The following PLIN2 variants were observed in gnomAD, a reference collection of about 807,000 sequenced individuals.
PLIN2 encodes perilipin-2.
PLIN2 carries 33 observed loss-of-function variants against 30.6 expected under a neutral mutation model. The ratio of observed to expected loss-of-function variants is 1.08; its 90% CI spans 0.82 to 1.44. The LOEUF is 1.44. Ranked by LOEUF, PLIN2 falls within the 40% of genes most tolerant of loss-of-function variation. PLIN2 has a pLI of 0.00. For synonymous variants in PLIN2, 205 were observed against 201.1 expected (o/e 1.02, Z -0.16); for missense variants, 610 against 531.8 (o/e 1.15, Z -1.45).
chr9:19,113,716 G>C (rs1166064122), downstream of PLIN2, among the ~76,000 whole-genome samples: 1 of 151,370 alleles, frequency 6.6e-6, no homozygotes, highest in Non-Finnish European at 1.5e-5. Flanking sequence ...TGGGGTTACA[G>C]GTGCATACAG....
chr9:19,117,852 C>T (rs376156161), intron 7 of PLIN2, among the ~76,000 whole-genome samples: 2 of 151,900 alleles, frequency 1.3e-5, no homozygotes, highest in African/African-American at 2.4e-5. Context: ...CTCCTGACCT[C>T]GTGATCTACC....
rs1306434400 is a variant in PLIN2 at position 19,118,417 on chromosome 9, C to G, written c.816G>C (p.Gln272His). 4 of 1,613,686 alleles carry G rather than the reference C, an allele frequency of 2.5e-6. No individual in the cohort carries two copies. The highest frequency in any genetic ancestry group is 2.7e-5 in the African/African-American group (2 of 74,900). ...FARKNVYSAN[Q>H]KIQDAQDKLY... ...GCTTATCCTGAGCATCCTGAATTTT[C>G]TGATTGGCACTATACACATTCTTCC... The change falls in exon 7 of 8, where the codon CAG becomes CAC. Residue 272 changes from glutamine to histidine, a missense_variant. Transcript: ENST00000276914.
intron 3 of PLIN2, 117 bp from the exon 4 acceptor site, chr9:19,123,764 T>C: frequency 1.3e-6 from 1 of 782,072 alleles, no homozygotes; most frequent in Non-Finnish European, 2.0e-6. Context: ...CTCACGCCTG[T>C]AATCCCAGCA....
Position 19,126,379 on chromosome 9 carries a change from G to T in PLIN2, c.30+18C>A. 6.2e-7 allele frequency: 1 copy of T among 1,613,614 alleles called. No individual in the cohort carries two copies. Among genetic ancestry groups the T allele is most frequent in the South Asian group, 1.1e-5 (1 of 91,062 alleles). ...ACAAAAGGAGAGAAAGTAGACAAAG[G>T]CTACTCAAAATTCATACCGGTTGTG... On this transcript the variant is annotated intron_variant, in intron 2 of 7. Transcript: ENST00000276914.
At chr9:19,112,156 T>A (rs1554692681), downstream of PLIN2, among the ~76,000 whole-genome samples, 1 of 152,158 alleles carries the variant, frequency 6.6e-6, no homozygotes, top group Non-Finnish European at 1.5e-5. Context: ...GGCCAATGCA[T>A]CATATTCCTT....
intron 3 of PLIN2, 156 bp downstream of exon 3, chr9:19,125,958 A>G: frequency 1.7e-6 from 1 of 571,730 alleles, no homozygotes; most frequent in Non-Finnish European, 3.1e-6. Flanking sequence ...GAAAAGAAAC[A>G]GTCCTCTTAC....
Position 19,116,240 on chromosome 9 carries a change from G to C in PLIN2, c.*8C>G. 6.4e-7 allele frequency: 1 copy of C among 1,565,718 alleles called. No individual in the cohort carries two copies. Among genetic ancestry groups the C allele is most frequent in the African/African-American group, 1.4e-5 (1 of 73,642 alleles). On this transcript the variant is annotated 3_prime_UTR_variant, in exon 8 of 8. Coordinates refer to ENST00000276914, the MANE Select transcript of PLIN2 (RefSeq NM_001122.4). ...TGGCCACAGCATGCACTAGTGATAG[G>C]GGCAGGTTTAATGAGTTTTATGCTC... is the stretch of plus-strand genomic sequence containing the variant.
chr9:19,118,017 C>A (rs1818257230), intron 7 of PLIN2, among the ~76,000 whole-genome samples: 1 of 152,176 alleles, frequency 6.6e-6, no homozygotes. Context: ...ATTAAAAAGG[C>A]ACAAAATAGG....
At chr9:19,115,597 G>A (rs1818209180), downstream of PLIN2, among the ~76,000 whole-genome samples, 1 of 152,120 alleles carries the variant, frequency 6.6e-6, no homozygotes, top group African/African-American at 2.4e-5. Flanking sequence ...ATGAGCCACA[G>A]CACCCGGCCA....
chr9:19,114,454 G>A (rs1177495608), downstream of PLIN2, among the ~76,000 whole-genome samples: 2 of 151,776 alleles, frequency 1.3e-5, no homozygotes, highest in Non-Finnish European at 1.5e-5. Flanking sequence ...GCTCAGGTTG[G>A]AGTGCAGTGG....
rs1564032496 is a variant in PLIN2, at chr9:19,126,163, G to C, written c.177C>G (p.Ser59=). ...MAENGVKTIT[S]VAMTSALPII... ...TGGGCAGAGCACTGGTCATGGCCAC[G>C]GAGGTGATGGTCTTCACACCGTTCT... is the stretch of plus-strand genomic sequence containing the variant. Residue 59 remains serine (S), a synonymous_variant, in exon 3 of 8, where the codon TCC becomes TCG. Transcript: ENST00000276914. The C allele has an allele frequency of 6.2e-7, 1 of 1,614,088 alleles. No individual in the cohort carries two copies. The highest frequency in any genetic ancestry group is 1.6e-4 in the Middle Eastern group (1 of 6,062).
chr9:19,120,287 G>GCGATCTGC (rs1818294545), intron 5 of PLIN2, among the ~76,000 whole-genome samples: 1 of 151,994 alleles, frequency 6.6e-6, no homozygotes, highest in African/African-American at 2.4e-5. Context: ...CTGAACTCAA[G>GCGATCTGC]CGATCTGCCT....
downstream of PLIN2, among the ~76,000 whole-genome samples, chr9:19,114,238 C>T (rs1818192204): frequency 6.6e-6 from 1 of 152,006 alleles, no homozygotes; most frequent in African/African-American, 2.4e-5. Flanking sequence ...AATAAACTCA[C>T]TCACACCAAA....
At chr9:19,121,813 C>G (rs916417518) in intron 4 of PLIN2, among the ~76,000 whole-genome samples, 1 of 152,118 alleles carries the variant, frequency 6.6e-6, no homozygotes, top group African/African-American at 2.4e-5. Flanking sequence ...TGCCTGTAAC[C>G]CCAGCTACTT....
At chr9:19,111,882 A>C (rs997187678), downstream of PLIN2, among the ~76,000 whole-genome samples, 2 of 152,114 alleles carry the variant, frequency 1.3e-5, no homozygotes, top group South Asian at 4.1e-4. Flanking sequence ...CTATAGGTGC[A>C]TACCACTAGG....
intron 1 of PLIN2, 32 bp from the exon 2 acceptor site, chr9:19,126,480 G>T: frequency 7.5e-7 from 1 of 1,337,230 alleles, no homozygotes; most frequent in Non-Finnish European, 1.1e-6. Flanking sequence ...CAGAACACCG[G>T]GATAAGACTC....
downstream of PLIN2, among the ~76,000 whole-genome samples, chr9:19,114,865 T>G (rs1465780051): frequency 6.6e-6 from 1 of 152,196 alleles, no homozygotes; most frequent in Non-Finnish European, 1.5e-5. Flanking sequence ...ACAGGGGGCT[T>G]AAAGTCTTTT....
At chr9:19,126,940 G>T (rs931955494) in intron 1 of PLIN2, among the ~76,000 whole-genome samples, 1 of 152,120 alleles carries the variant, frequency 6.6e-6, no homozygotes, top group East Asian at 1.9e-4. Flanking sequence ...TGCTCTGGAG[G>T]CTGAGGCAGG....
intron 2 of PLIN2, among the ~76,000 whole-genome samples, chr9:19,108,901 A>G (rs1818124709): frequency 6.6e-6 from 1 of 152,246 alleles, no homozygotes; most frequent in Non-Finnish European, 1.5e-5. Flanking sequence ...TATTCCTGCA[A>G]TTCCCTCATA....
Sources: allele counts gnomAD v4.1 joint callset (sites outside exome capture counted in the v4.1 genomes callset), GRCh38; gene constraint gnomAD v4.1.1; transcripts MANE v1.5; gene names NCBI Gene and HGNC (gene_info 2026-07-23, HGNC 2026-07-21).